The following TMED10 variants were observed in gnomAD, a reference collection of about 807,000 sequenced individuals.
TMED10 encodes transmembrane p24 trafficking protein 10, also known as transmembrane emp24 domain-containing protein 10.
In TMED10, 7 loss-of-function variants were observed where a neutral mutation model predicts 23.1. The ratio of observed to expected loss-of-function variants is 0.30; its 90% CI spans 0.17 to 0.57. The LOEUF is 0.57. Among genes scored for constraint, TMED10 ranks in the 20% least tolerant of loss-of-function variants. The pLI is 0.91. For synonymous variants in TMED10, 113 were observed against 106.9 expected, an observed-to-expected ratio of 1.06 and a Z score of -0.35; for missense variants, 162 against 274.8, an observed-to-expected ratio of 0.59 and a Z score of 2.90.
At position 75,165,506 on chromosome 14, in the gene TMED10, G is replaced by A. The variant is rs568993879; in HGVS notation, c.225+10849C>T. Among the ~76,000 whole-genome samples the A allele has an allele frequency of 2.6e-5, 4 of 152,264 alleles. No homozygotes were observed. The South Asian group carries it at 6.2e-4, about 24-fold the overall frequency. ...CTCCCAAAGTGTTGGGATTACAGGCGTGAGCCACCATGCCCAGCCTCAGAA... is the reference window on the plus strand; with the variant it reads ...CTCCCAAAGTGTTGGGATTACAGGCATGAGCCACCATGCCCAGCCTCAGAA... On this transcript the variant is annotated intron_variant, in intron 1 of 4. Coordinates refer to ENST00000303575, the MANE Select transcript of TMED10 (RefSeq NM_006827.6).
chr14:75,174,586 A>C (rs1896275976), intron 1 of TMED10, among the ~76,000 whole-genome samples: 1 of 152,166 alleles, frequency 6.6e-6, no homozygotes, highest in Non-Finnish European at 1.5e-5. Flanking sequence ...AGAGAGTTTG[A>C]TACCCAAACA....
chr14:75,176,184 G>C, intron 1 of TMED10, 171 bp downstream of exon 1: 1 of 788,710 alleles, frequency 1.3e-6, no homozygotes, highest in South Asian at 1.8e-5. Flanking sequence ...GCCCCGCCCC[G>C]CGACAGGCAA....
intron 1 of TMED10, among the ~76,000 whole-genome samples, chr14:75,161,379 C>T (rs1896083642): frequency 1.3e-5 from 2 of 152,108 alleles, no homozygotes; most frequent in South Asian, 4.1e-4. Context: ...TATCAAGAAC[C>T]TAAATTGAGC....
At chr14:75,155,396 T>C (rs1265889797) in intron 1 of TMED10, among the ~76,000 whole-genome samples, 2 of 152,216 alleles carry the variant, frequency 1.3e-5, no homozygotes, top group South Asian at 2.1e-4. Context: ...TATGCCTTCA[T>C]AGTGGTTTTG....
rs541741282 is a variant in TMED10 at position 75,174,372 on chromosome 14, T to C, written c.225+1983A>G. 3.3e-5 allele frequency among the ~76,000 whole-genome samples: 5 copies of C among 152,186 alleles called. No homozygotes were observed. In the South Asian group the frequency reaches 1.0e-3, roughly 32 times the overall value. ...ACAAAGCATGTTGAGAAATTTAAAC[T>C]ATCAATAAGCAATAGTGAGCCACTG... On this transcript the variant is annotated intron_variant, in intron 1 of 4. Transcript: ENST00000303575.
chr14:75,163,599 G>C (rs1389590892), intron 1 of TMED10, among the ~76,000 whole-genome samples: 1 of 148,214 alleles, frequency 6.7e-6, no homozygotes, highest in African/African-American at 2.5e-5. Context: ...GGAATAGCTA[G>C]CCTTTTCTCT....
chr14:75,164,532 A>AATATATAT (rs368412262), intron 1 of TMED10, among the ~76,000 whole-genome samples: 7 of 54,420 alleles, frequency 1.3e-4, no homozygotes, highest in Admixed American at 3.0e-4. Flanking sequence ...CACCTGGCCT[A>AATATATAT]ATATATATAT....
intron 2 of TMED10, among the ~76,000 whole-genome samples, chr14:75,148,964 G>A (rs1226765519): frequency 6.6e-6 from 1 of 152,228 alleles, no homozygotes; most frequent in Admixed American, 6.5e-5. Context: ...CCAAGCTGGA[G>A]TGCAGTGGCA....
Position 75,176,403 on chromosome 14 carries a change from C to T in TMED10, c.177G>A (p.Glu59=). 6.2e-7 allele frequency: 1 copy of T among 1,614,226 alleles called. No individual in the cohort carries two copies. The highest frequency in any genetic ancestry group is 8.5e-7 in the Non-Finnish European group (1 of 1,180,034). Residue 59 remains glutamate, a synonymous_variant, in exon 1 of 5, where the codon GAG becomes GAA. Transcript: ENST00000303575. The part of the protein sequence containing the change: ...HKDLLVTGAY[E]ISDQSGGAGG... ...CAGCGCCCCCAGACTGGTCGGAGAT[C>T]TCGTACGCGCCAGTCACTAGCAGGT...
chr14:75,166,095 T>C (rs1288401287), intron 1 of TMED10, among the ~76,000 whole-genome samples: 1 of 152,184 alleles, frequency 6.6e-6, no homozygotes, highest in African/African-American at 2.4e-5. Flanking sequence ...CCAGATCAAA[T>C]GTTTTTTTTC....
chr14:75,163,371 G>C (rs564854237), intron 1 of TMED10, among the ~76,000 whole-genome samples: 2 of 151,758 alleles, frequency 1.3e-5, no homozygotes, highest in Admixed American at 1.3e-4. Flanking sequence ...TGCCTAACAC[G>C]GTGAAACCCT....
At chr14:75,145,947 A>C (rs1445766630) in intron 3 of TMED10, among the ~76,000 whole-genome samples, 1 of 152,208 alleles carries the variant, frequency 6.6e-6, no homozygotes, top group Admixed American at 6.5e-5. Context: ...CTATTCTTCT[A>C]CCTTATAATA....
intron 1 of TMED10, among the ~76,000 whole-genome samples, chr14:75,157,769 G>A (rs928437264): frequency 1.1e-4 from 17 of 151,744 alleles, no homozygotes; most frequent in African/African-American, 2.9e-4. Context: ...GCGAAACCCC[G>A]TCTCTACTAA....
At chr14:75,138,122 T>C (rs1284034682) in intron 3 of TMED10, among the ~76,000 whole-genome samples, 1 of 152,250 alleles carries the variant, frequency 6.6e-6, no homozygotes, top group Non-Finnish European at 1.5e-5. Flanking sequence ...CTTTTCTTTG[T>C]GAAATGTTAA....
chr14:75,158,436 T>C (rs1348385748), intron 1 of TMED10, among the ~76,000 whole-genome samples: 1 of 152,170 alleles, frequency 6.6e-6, no homozygotes, highest in Non-Finnish European at 1.5e-5. Context: ...CAAGCCATCC[T>C]TCTGCCTCAG....
intron 3 of TMED10, among the ~76,000 whole-genome samples, chr14:75,136,150 T>C (rs1895746759): frequency 6.6e-6 from 1 of 152,226 alleles, no homozygotes; most frequent in Non-Finnish European, 1.5e-5. Context: ...GATATACTAT[T>C]GTCTCAAGAT....
intron 1 of TMED10, among the ~76,000 whole-genome samples, chr14:75,155,169 G>T (rs1332482240): frequency 3.9e-5 from 6 of 152,122 alleles, no homozygotes; most frequent in Non-Finnish European, 7.4e-5. Context: ...ATGTTGGCCA[G>T]GCTGGTCTCC....
At chr14:75,176,297 C>T in intron 1 of TMED10, 58 bp downstream of exon 1, 3 of 1,599,232 alleles carry the variant, frequency 1.9e-6, no homozygotes, top group Non-Finnish European at 2.6e-6. Flanking sequence ...GAACCCGAGC[C>T]TCCCCTCGCC....
chr14:75,156,698 C>G (rs1896022736), intron 1 of TMED10, among the ~76,000 whole-genome samples: 1 of 152,106 alleles, frequency 6.6e-6, no homozygotes, highest in Admixed American at 6.6e-5. Context: ...GTAATCCCAG[C>G]ACTTTGGGAG....
Sources: allele counts gnomAD v4.1 joint callset (sites outside exome capture counted in the v4.1 genomes callset), GRCh38; gene constraint gnomAD v4.1.1; transcripts MANE v1.5; gene names NCBI Gene and HGNC (gene_info 2026-07-23, HGNC 2026-07-21).